The following AKT1S1 variants were observed in gnomAD, a reference collection of about 807,000 sequenced individuals.
AKT1S1 encodes AKT1 substrate 1, also known as proline-rich AKT1 substrate 1.
In AKT1S1, 17 loss-of-function variants were observed where a neutral mutation model predicts 21.2. The observed-to-expected ratio is 0.80, with a 90% CI of 0.55 to 1.20. The LOEUF (loss-of-function observed/expected upper bound fraction) is 1.20, where lower values mean the gene tolerates loss of function less well. Ranked by LOEUF, AKT1S1 falls within the 50% of genes most tolerant of loss-of-function variation. AKT1S1 has a pLI of 0.00. For missense variants in AKT1S1, 366 were observed against 368.3 expected (o/e 0.99, Z 0.05); for synonymous variants, 181 against 165.6 (o/e 1.09, Z -0.72).
intron 4 of AKT1S1, 53 bp downstream of exon 4, chr19:49,871,494 C>G: frequency 6.2e-7 from 1 of 1,607,346 alleles, no homozygotes; most frequent in Non-Finnish European, 8.5e-7. Flanking sequence ...CTGGAGGAGG[C>G]GGCTCAGAGC....
chr19:49,870,126 C>T, intron 4 of AKT1S1, 66 bp from the exon 5 acceptor site: 1 of 1,365,886 alleles, frequency 7.3e-7, no homozygotes, highest in Non-Finnish European at 9.5e-7. Context: ...CACACGCGGT[C>T]CAGGGGTGCA....
chr19:49,878,309 G>T, upstream of AKT1S1: 1 of 1,452,506 alleles, frequency 6.9e-7, no homozygotes, highest in South Asian at 1.2e-5. Context: ...GATGCAGGCG[G>T]CAGCTGTAGG....
In AKT1S1 at chr19:49,871,688, G is replaced by A. The variant is rs553603064; in HGVS notation, c.486C>T (p.Ala162=). ...GGGGCACTGAGCAGGTGGGGGGGCC[G>A]GCGGGGGTCTCCTCGCTCAGGCTGC... ...DDGSLSEETP[A]GPPTCSVPPA... The change falls in exon 4 of 5, where the codon GCC becomes GCT. Residue 162 remains alanine, a synonymous_variant. Coordinates refer to ENST00000344175, the MANE Select transcript of AKT1S1 (RefSeq NM_001098633.4). 74 of 1,613,052 alleles carry A rather than the reference G, an allele frequency of 4.6e-5. 2 individuals are homozygous for A. In the South Asian group the frequency reaches 5.6e-4, roughly 12 times the overall value.
chr19:49,873,801 G>A lies in AKT1S1; in HGVS notation c.-7-499C>T, dbSNP rs2074912438. The A allele has an allele frequency of 8.2e-6, 1 of 122,224 alleles. No individual in the cohort carries two copies. The highest frequency in any genetic ancestry group is 1.7e-5 in the Non-Finnish European group (1 of 60,500). 7.6% of individuals were successfully genotyped at this position (122,224 alleles called of 1,614,324 possible). On this transcript the variant is annotated intron_variant, in intron 1 of 4. Transcript: ENST00000344175. The surrounding 1 kb of genome is among the most constrained non-coding windows in gnomAD (Gnocchi z 6.9). ...AGCCCAAGAGTTCGAAGCCAGCCTG[G>A]GCAAAAAAAAAAAAAAAAAGGAATT...
At chr19:49,871,311 T>C (rs1387514594) in intron 4 of AKT1S1, among the ~76,000 whole-genome samples, 1 of 152,166 alleles carries the variant, frequency 6.6e-6, no homozygotes, top group East Asian at 1.9e-4. Flanking sequence ...AGGTGTTCTA[T>C]AAATAGAGAC....
intron 1 of AKT1S1, chr19:49,875,801 T>C: frequency 3.1e-6 from 3 of 979,682 alleles, no homozygotes; most frequent in Non-Finnish European, 3.6e-6. Flanking sequence ...CACAGACCTC[T>C]TTGCCAAGGT....
At chr19:49,876,755 G>T (rs2074952004) in intron 1 of AKT1S1, 1 of 1,337,464 alleles carries the variant, frequency 7.5e-7, no homozygotes, top group Non-Finnish European at 9.7e-7. Context: ...GCGGCCACAG[G>T]GGCTTCATCC....
chr19:49,869,543 A>T lies in AKT1S1; in HGVS notation c.*374T>A, dbSNP rs1275432008. On this transcript the variant is annotated 3_prime_UTR_variant, in exon 5 of 5. Coordinates refer to ENST00000344175, the MANE Select transcript of AKT1S1 (RefSeq NM_001098633.4). The stretch of plus-strand genomic sequence containing the variant: ...CTTTACAGGATTTGAGCCAATCAAA[A>T]AAAGAGCTGTCCAGCGACTAGGGGA... 1 of 177,952 alleles carries T rather than the reference A, an allele frequency of 5.6e-6. No homozygotes were observed. The highest frequency in any genetic ancestry group is 1.2e-5 in the Non-Finnish European group (1 of 84,966). The allele number at this position is 177,952 out of a possible 1,614,324, so 11.0% of individuals were successfully genotyped here. A position where few individuals can be genotyped will look rare whatever the true frequency, so the allele number is the denominator to read the frequency against.
chr19:49,870,596 G>A (rs1029849151), intron 4 of AKT1S1, among the ~76,000 whole-genome samples: 1 of 152,134 alleles, frequency 6.6e-6, no homozygotes, highest in African/African-American at 2.4e-5. Context: ...GTCAGCCCCC[G>A]CCAAGGAGCC....
upstream of AKT1S1, chr19:49,877,706 G>T (rs1428385807): frequency 6.2e-7 from 1 of 1,600,476 alleles, no homozygotes; most frequent in Non-Finnish European, 8.5e-7. Flanking sequence ...CGGGGCAGTG[G>T]GGCCTTCGGC....
Position 49,875,365 on chromosome 19 carries a change from T to C in AKT1S1, c.-8+1872A>G, listed in dbSNP as rs73934057. 7.3e-3 allele frequency: 316 copies of C among 43,208 alleles called. 10 individuals carry two copies. The highest frequency in any genetic ancestry group is 0.051 in the African/African-American group (298 of 5,888). The allele number at this position is 43,208 out of a possible 1,614,324, so 2.7% of individuals were successfully genotyped here. ...CACAGGGCACAAGTGGGGCTGAAACTGTGAGGCTCAGAGAGCTTAGGACAC... is the reference window on the plus strand; with the variant it reads ...CACAGGGCACAAGTGGGGCTGAAACCGTGAGGCTCAGAGAGCTTAGGACAC... On this transcript the variant is annotated intron_variant, in intron 1 of 4. Coordinates refer to ENST00000344175, the MANE Select transcript of AKT1S1 (RefSeq NM_001098633.4).
intron 2 of AKT1S1, among the ~76,000 whole-genome samples, chr19:49,872,199 G>GAA (rs1224104306): frequency 5.3e-5 from 8 of 152,172 alleles, no homozygotes; most frequent in Admixed American, 1.3e-4. Context: ...CAATGACTAT[G>GAA]ACCTCTGTTT....
In AKT1S1 at chr19:49,869,773, T is replaced by G; in HGVS notation, c.*144A>C. ...TCGTGGGCTGGAAGGACGGCGGGGA[T>G]TGGCAGAGGCGGGACAATCTTGGGA... On this transcript the variant is annotated 3_prime_UTR_variant, in exon 5 of 5. Transcript: ENST00000344175. 1.0e-6 allele frequency: 1 copy of G among 983,602 alleles called. No homozygotes were observed. The highest frequency in any genetic ancestry group is 1.4e-6 in the Non-Finnish European group (1 of 722,926). 60.9% of individuals were successfully genotyped at this position (983,602 alleles called of 1,614,324 possible).
At position 49,872,900 on chromosome 19, in the gene AKT1S1, T is replaced by G; in HGVS notation, c.379+17A>C. On this transcript the variant is annotated intron_variant, in intron 2 of 4. Transcript: ENST00000344175. ...TCAAGCGCTGGGCCGCACCCGCCCC[T>G]GCCCCCACCCTCTCACCTCCATTAT... 10 of 869,968 alleles carry G rather than the reference T, an allele frequency of 1.1e-5. No homozygotes were observed. Among genetic ancestry groups the G allele is most frequent in the Non-Finnish European group, 1.6e-5 (9 of 558,816 alleles). The allele number at this position is 869,968 out of a possible 1,614,324, so 53.9% of individuals were successfully genotyped here. A position where few individuals can be genotyped will look rare whatever the true frequency, so the allele number is the denominator to read the frequency against.
At chr19:49,876,712 C>T (rs1600438100) in intron 1 of AKT1S1, 2 of 1,415,178 alleles carry the variant, frequency 1.4e-6, no homozygotes, top group East Asian at 5.8e-5. Flanking sequence ...GCACACTCCG[C>T]CTCCCTTATC....
At chr19:49,871,474 G>A (rs1453583809) in intron 4 of AKT1S1, 73 bp downstream of exon 4, 3 of 1,589,462 alleles carry the variant, frequency 1.9e-6, no homozygotes, top group Non-Finnish European at 2.6e-6. Flanking sequence ...CATCCATGCT[G>A]GAGGGCTTCC....
chr19:49,876,228 G>C (rs939682196), intron 1 of AKT1S1: 4 of 1,062,938 alleles, frequency 3.8e-6, no homozygotes, highest in African/African-American at 1.7e-5. Context: ...GGACCCACTG[G>C]TCTAGGAAGA....
upstream of AKT1S1, chr19:49,877,958 C>G: frequency 1.4e-6 from 1 of 718,760 alleles, no homozygotes; most frequent in Admixed American, 2.9e-5. Flanking sequence ...TTGAGCCCTG[C>G]CCCCTGTGGA....
At chr19:49,872,895 G>T in intron 2 of AKT1S1, 22 bp downstream of exon 2, 1 of 894,750 alleles carries the variant, frequency 1.1e-6, no homozygotes, top group Non-Finnish European at 1.8e-6. Flanking sequence ...GGCCGCACCC[G>T]CCCCTGCCCC....
Sources: gnomAD v4.1 joint callset for allele counts (sites outside exome capture counted in the v4.1 genomes callset) on GRCh38, gnomAD v4.1.1 for gene constraint, Gnocchi (gnomAD v3.1) non-coding constraint, MANE v1.5 for transcripts, NCBI Gene and HGNC (gene_info 2026-07-23, HGNC 2026-07-21) for gene names.